Variants in EDN1 observed in about 807,000 individuals in gnomAD.
EDN1 encodes endothelin-1.
In EDN1, 11 loss-of-function variants were observed where a neutral mutation model predicts 21.7. The observed-to-expected ratio is 0.51, with a 90% CI of 0.32 to 0.84. The LOEUF is 0.84. Ranked by LOEUF, EDN1 falls within the 40% of genes least tolerant of loss-of-function variation. The pLI is 0.03. For synonymous variants in EDN1, 85 were observed against 90.6 expected, an observed-to-expected ratio of 0.94 and a Z score of 0.35; for missense variants, 244 against 262.3, an observed-to-expected ratio of 0.93 and a Z score of 0.48.
chr6:12,251,812 C>A, the EDN1 span, among the ~76,000 whole-genome samples: 4 of 152,174 alleles, frequency 2.6e-5, no homozygotes. Flanking sequence ...GATGACTGTG[C>A]GTGCCTGAGG....
At chr6:12,268,742 G>A in the EDN1 span, among the ~76,000 whole-genome samples, 1 of 152,178 alleles carries the variant, frequency 6.6e-6, no homozygotes, top group African/African-American at 2.4e-5. Context: ...TTGAAGTCAG[G>A]TAGTGTGATG....
intron 2 of EDN1, 149 bp downstream of exon 2, chr6:12,292,658 C>T: frequency 1.0e-6 from 1 of 952,948 alleles, no homozygotes; most frequent in East Asian, 2.5e-5. Flanking sequence ...CCCTCTATTC[C>T]TGAAAATAAC....
upstream of EDN1, among the ~76,000 whole-genome samples, chr6:12,288,049 G>T (rs1762592506): frequency 1.3e-5 from 2 of 152,076 alleles, no homozygotes; most frequent in African/African-American, 4.8e-5. Flanking sequence ...GGCGTTGCTG[G>T]AACCTGCAGG....
chr6:12,235,011 G>T, the EDN1 span, among the ~76,000 whole-genome samples: 2 of 152,210 alleles, frequency 1.3e-5, no homozygotes, highest in Non-Finnish European at 2.9e-5. Flanking sequence ...CATATTCATT[G>T]TTTGAAGGGG....
chr6:12,231,444 A>G, the EDN1 span, among the ~76,000 whole-genome samples: 5 of 152,350 alleles, frequency 3.3e-5, no homozygotes, highest in African/African-American at 1.2e-4. Context: ...GACACGTTTT[A>G]TTGTTTTTCC....
chr6:12,247,536 C>CTTTTT, the EDN1 span, among the ~76,000 whole-genome samples: 283 of 97,756 alleles, frequency 2.9e-3, no homozygotes, highest in Non-Finnish European at 4.2e-3. Context: ...TTCTTTCTTT[C>CTTTTT]TTTTTTTTTT....
the EDN1 span, among the ~76,000 whole-genome samples, chr6:12,284,642 G>GA: frequency 7.2e-6 from 1 of 139,138 alleles, no homozygotes; most frequent in African/African-American, 2.6e-5. Context: ...AGGAAAGAAA[G>GA]AAAAAGAAAG....
At chr6:12,238,171 C>CAA in the EDN1 span, among the ~76,000 whole-genome samples, 38,643 of 103,876 alleles carry the variant, frequency 0.37, 7,435 homozygotes, top group South Asian at 0.62. Context: ...GACTCTATCT[C>CAA]AAAAAAAAAA....
At chr6:12,281,531 G>C in the EDN1 span, among the ~76,000 whole-genome samples, 1 of 152,240 alleles carries the variant, frequency 6.6e-6, no homozygotes, top group African/African-American at 2.4e-5. Flanking sequence ...GAGAGGCTAA[G>C]TGCCTTGACT....
the EDN1 span, among the ~76,000 whole-genome samples, chr6:12,241,585 C>T: frequency 1.3e-4 from 20 of 152,106 alleles, no homozygotes; most frequent in South Asian, 3.7e-3. Context: ...AAAAAAAGTA[C>T]GGGTCTGTGT....
At chr6:12,239,208 G>A in the EDN1 span, among the ~76,000 whole-genome samples, 1 of 152,134 alleles carries the variant, frequency 6.6e-6, no homozygotes, top group Non-Finnish European at 1.5e-5. Flanking sequence ...AATCATTCGT[G>A]TTCCTTTCTG....
At chr6:12,267,999 T>G in the EDN1 span, among the ~76,000 whole-genome samples, 1 of 152,234 alleles carries the variant, frequency 6.6e-6, no homozygotes, top group Non-Finnish European at 1.5e-5. Context: ...TACATCTATT[T>G]ACAGCATTAT....
At chr6:12,254,608 A>T in the EDN1 span, among the ~76,000 whole-genome samples, 1 of 151,976 alleles carries the variant, frequency 6.6e-6, no homozygotes, top group Non-Finnish European at 1.5e-5. Flanking sequence ...AATGCAACCT[A>T]AGAATTTGGA....
chr6:12,257,874 C>T, the EDN1 span, among the ~76,000 whole-genome samples: 2 of 152,128 alleles, frequency 1.3e-5, no homozygotes, highest in South Asian at 2.1e-4. Flanking sequence ...AGATAATAGT[C>T]CCAGTCGTCC....
At chr6:12,294,940 TAAATAGGGAAATGTG>T (rs1762786106) in intron 4 of EDN1, among the ~76,000 whole-genome samples, 1 of 148,838 alleles carries the variant, frequency 6.7e-6, no homozygotes. Flanking sequence ...TTTTTTTTTT[TAAATAGGGAAATGTG>T]TTTGGTGCAG....
chr6:12,266,556 C>G, the EDN1 span, among the ~76,000 whole-genome samples: 3 of 152,184 alleles, frequency 2.0e-5, no homozygotes, highest in East Asian at 3.9e-4. Context: ...TGTGACGACT[C>G]TACAGACTTG....
At chr6:12,280,623 A>G in the EDN1 span, among the ~76,000 whole-genome samples, 1 of 152,228 alleles carries the variant, frequency 6.6e-6, no homozygotes. Context: ...GGCTGGGTGC[A>G]GTGATTCATG....
the EDN1 span, among the ~76,000 whole-genome samples, chr6:12,266,809 C>A: frequency 1.3e-5 from 2 of 151,982 alleles, no homozygotes; most frequent in Non-Finnish European, 1.5e-5. Context: ...GGTATTATGG[C>A]TGGAGTAGAA....
At chr6:12,245,638 T>A in the EDN1 span, among the ~76,000 whole-genome samples, 1 of 152,216 alleles carries the variant, frequency 6.6e-6, no homozygotes, top group South Asian at 2.1e-4. Flanking sequence ...AGAAACACCC[T>A]CAGATGACCA....
Sources: gnomAD v4.1 joint callset for allele counts (sites outside exome capture counted in the v4.1 genomes callset) on GRCh38, gnomAD v4.1.1 for gene constraint, MANE v1.5 for transcripts, NCBI Gene and HGNC (gene_info 2026-07-23, HGNC 2026-07-21) for gene names.